GRID2IP: variants seen among roughly 807,000 people sequenced by gnomAD.
GRID2IP encodes the protein Grid2 interacting protein.
A neutral mutation model predicts 114.3 loss-of-function variants in GRID2IP; 78 were observed. The observed-to-expected ratio is 0.68, with a 90% CI of 0.57 to 0.82. The LOEUF is 0.82. Among genes scored for constraint, GRID2IP ranks in the 40% least tolerant of loss-of-function variants. The probability of loss-of-function intolerance (pLI) is 0.00; values close to 1 mark genes in which losing one functional copy is unlikely to be tolerated. For missense variants in GRID2IP, 1,727 were observed against 1,678.5 expected (o/e 1.03, Z -0.51); for synonymous variants, 809 against 724.0 (o/e 1.12, Z -1.89).
rs1312592096 is a variant in GRID2IP at position 6,508,082 on chromosome 7, C to T, written c.2447G>A (p.Arg816Gln). The change falls in exon 13 of 22, where the codon CGG becomes CAG. Residue 816 changes from arginine (R) to glutamine (Q), a missense_variant. By Grantham distance (43) the Arg-to-Gln change is conservative (BLOSUM62 1). Coordinates refer to ENST00000457091, the MANE Select transcript of GRID2IP (RefSeq NM_001145118.2). The surrounding 1 kb of genome is among the most constrained non-coding windows in gnomAD (Gnocchi z 5.6). Reference sequence around the variant, plus strand: ...CTCACTGCGCCGGTGGCCCAGGCCCCGGGACAGCATGGGGGGTGCACAGGG... The same window carrying T: ...CTCACTGCGCCGGTGGCCCAGGCCCTGGGACAGCATGGGGGGTGCACAGGG... ...PVPCAPPMLSRGLGHRRSETS... is the reference protein window; with the variant it reads ...PVPCAPPMLSQGLGHRRSETS... 5.8e-5 allele frequency: 73 copies of T among 1,264,112 alleles called. No individual in the cohort carries two copies. In the Admixed American group the frequency reaches 1.5e-3, roughly 27 times the overall value. 78.3% of individuals were successfully genotyped at this position (1,264,112 alleles called of 1,614,324 possible).
intron 18 of GRID2IP, 91 bp downstream of exon 18, chr7:6,502,695 C>T: frequency 3.6e-6 from 3 of 841,066 alleles, no homozygotes; most frequent in South Asian, 2.9e-5. Flanking sequence ...ACGATGTCCT[C>T]TTCTGCCCTC....
At chr7:6,550,806 T>A (rs1461006667) in intron 1 of GRID2IP, among the ~76,000 whole-genome samples, 1 of 151,632 alleles carries the variant, frequency 6.6e-6, no homozygotes. Context: ...CCAGCTTGGG[T>A]GACAGAGCGA....
intron 1 of GRID2IP, 41 bp from the exon 2 acceptor site, chr7:6,539,913 A>G (rs1213625277): frequency 9.2e-6 from 14 of 1,520,694 alleles, no homozygotes; most frequent in Non-Finnish European, 1.2e-5. Context: ...AGGGATCCAG[A>G]GTGGAACCCT....
rs561996854 is a variant in GRID2IP, at chr7:6,505,201, T to C, written c.2633-331A>G. Among the ~76,000 whole-genome samples, 3 of 152,266 alleles carry C rather than the reference T, an allele frequency of 2.0e-5. No individual in the cohort carries two copies. In the East Asian group the frequency reaches 5.8e-4, roughly 29 times the overall value. On this transcript the variant is annotated intron_variant, in intron 14 of 21. Coordinates refer to ENST00000457091, the MANE Select transcript of GRID2IP (RefSeq NM_001145118.2). ...AGAGCCTGGAAGATGTATTTGTGGA[T>C]GCCTCCTGTCTACGGTGTGACTGAG...
Position 6,509,195 on chromosome 7 carries a change from G to A in GRID2IP, c.1890C>T (p.Tyr630=), listed in dbSNP as rs549872168. Residue 630 remains tyrosine (Y), a synonymous_variant, in exon 12 of 22, where the codon TAC becomes TAT. Coordinates refer to ENST00000457091, the MANE Select transcript of GRID2IP (RefSeq NM_001145118.2). The surrounding 1 kb of genome is among the most constrained non-coding windows in gnomAD (Gnocchi z 4.9). ...ASPSSSESHP[Y]ASLDSSRAPS... ...GTGCCCTGCTGCTGTCCAGGCTGGC[G>A]TAGGGGTGGGACTCAGAGCTGCTGG... is the stretch of plus-strand genomic sequence containing the variant. 799 of 1,484,988 alleles carry A rather than the reference G, an allele frequency of 5.4e-4. 4 individuals are homozygous for A. In the African/African-American group the frequency reaches 9.3e-3, roughly 17 times the overall value. 92.0% of individuals were successfully genotyped at this position (1,484,988 alleles called of 1,614,324 possible). A position where few individuals can be genotyped will look rare whatever the true frequency, so the allele number is the denominator to read the frequency against.
At position 6,521,056 on chromosome 7, in the gene GRID2IP, C is replaced by T. The variant is rs189262896; in HGVS notation, c.1085-295G>A. ...CGTGATCTCGGCTCACTGCAACCTC[C>T]GCTTCCTGGGTTCAAGTGATTCTCT... On this transcript the variant is annotated intron_variant, in intron 6 of 21. Coordinates refer to ENST00000457091, the MANE Select transcript of GRID2IP (RefSeq NM_001145118.2). The surrounding 1 kb of genome is among the most constrained non-coding windows in gnomAD (Gnocchi z 4.1). Among the ~76,000 whole-genome samples, 286 of 152,292 alleles carry T rather than the reference C, an allele frequency of 1.9e-3. No homozygotes were observed. Among genetic ancestry groups the T allele is most frequent in the African/African-American group, 6.5e-3 (272 of 41,562 alleles).
rs1375237008 is a variant in GRID2IP, at chr7:6,526,687, G to A, written c.667C>T (p.Arg223Trp). 4.7e-6 allele frequency: 7 copies of A among 1,479,892 alleles called. No individual in the cohort carries two copies. Among genetic ancestry groups the A allele is most frequent in the Non-Finnish European group, 5.4e-6 (6 of 1,116,208 alleles). 91.7% of individuals were successfully genotyped at this position (1,479,892 alleles called of 1,614,324 possible). A position where few individuals can be genotyped will look rare whatever the true frequency, so the allele number is the denominator to read the frequency against. Residue 223 changes from arginine to tryptophan, a missense_variant, in exon 3 of 22, where the codon CGG becomes TGG. Transcript: ENST00000457091. The surrounding 1 kb of genome is among the most constrained non-coding windows in gnomAD (Gnocchi z 7.6). ...CGCAGTCGCTGCGCGCCCTGGGCCC[G>A]GCGTGCGCGGCACAGCTTGCCCAGG... ...GLLGKLCRAR[R>W]AQGAQRLRRS...
Position 6,507,477 on chromosome 7 carries a change from A to G in GRID2IP, c.2544+508T>C, listed in dbSNP as rs1489696616. ...GCCCGATTTTAAGGGCCAGAAAGAA[A>G]ACAGGGCATGGGAATCCTGGGGAGA... On this transcript the variant is annotated intron_variant, in intron 13 of 21. Transcript: ENST00000457091. This position sits in a 1 kb window ranked among gnomAD's most constrained non-coding sequence, Gnocchi z 5.3. Among the ~76,000 whole-genome samples the G allele has an allele frequency of 1.3e-5, 2 of 152,212 alleles. No individual in the cohort carries two copies. Among genetic ancestry groups the G allele is most frequent in the African/African-American group, 4.8e-5 (2 of 41,460 alleles).
At chr7:6,517,297 TCTGC>T (rs1779328177) in intron 7 of GRID2IP, among the ~76,000 whole-genome samples, 1 of 151,834 alleles carries the variant, frequency 6.6e-6, no homozygotes, top group African/African-American at 2.4e-5. Flanking sequence ...GACCTCGTGA[TCTGC>T]CCATCTCAGC....
At chr7:6,502,748 G>C in intron 18 of GRID2IP, 38 bp downstream of exon 18, 2 of 1,460,802 alleles carry the variant, frequency 1.4e-6, no homozygotes, top group East Asian at 2.5e-5. Flanking sequence ...CTTGCTGGTA[G>C]AGCAAACCAG....
chr7:6,547,497 A>C (rs1281900822), intron 1 of GRID2IP, among the ~76,000 whole-genome samples: 1 of 152,026 alleles, frequency 6.6e-6, no homozygotes, highest in Non-Finnish European at 1.5e-5. Context: ...GTAGTGAGCT[A>C]TGATTGTACC....
In GRID2IP at chr7:6,519,899, A is replaced by G; in HGVS notation, c.1268+679T>C. On this transcript the variant is annotated intron_variant, in intron 7 of 21. Coordinates refer to ENST00000457091, the MANE Select transcript of GRID2IP (RefSeq NM_001145118.2). The surrounding 1 kb of genome is among the most constrained non-coding windows in gnomAD (Gnocchi z 4.1). ...AGCTGGCTGCAGCTGAGGTCCAAAA[A>G]GAAAGACACCAACCCTACCCCGAAG... 6.6e-6 allele frequency among the ~76,000 whole-genome samples: 1 copy of G among 152,236 alleles called. No individual in the cohort carries two copies.
chr7:6,547,478 T>G (rs1583356381), intron 1 of GRID2IP, among the ~76,000 whole-genome samples: 5 of 148,762 alleles, frequency 3.4e-5, no homozygotes, highest in Admixed American at 1.4e-4. Flanking sequence ...AGCCCAGGAG[T>G]TGGAGGCTGT....
chr7:6,507,907 C>T lies in GRID2IP; in HGVS notation c.2544+78G>A, dbSNP rs1036696327. 6.6e-6 allele frequency: 10 copies of T among 1,517,726 alleles called. No individual in the cohort carries two copies. The highest frequency in any genetic ancestry group is 2.5e-5 in the East Asian group (1 of 40,520). The allele number at this position is 1,517,726 out of a possible 1,614,324, so 94.0% of individuals were successfully genotyped here. A position where few individuals can be genotyped will look rare whatever the true frequency, so the allele number is the denominator to read the frequency against. On this transcript the variant is annotated intron_variant, in intron 13 of 21. Transcript: ENST00000457091. The surrounding 1 kb of genome is among the most constrained non-coding windows in gnomAD (Gnocchi z 5.3). ...AGGATGATGTTGGAAGATGCCTGGC[C>T]GATGGGTTTTCCTTCAGTGCTGCTG...
intron 8 of GRID2IP, among the ~76,000 whole-genome samples, chr7:6,513,471 C>G (rs1157632706): frequency 6.6e-6 from 1 of 151,712 alleles, no homozygotes; most frequent in Non-Finnish European, 1.5e-5. Flanking sequence ...GCTTCCACCT[C>G]AGTCTCCTAA....
At chr7:6,524,438 G>T (rs1217521947) in intron 4 of GRID2IP, among the ~76,000 whole-genome samples, 1 of 152,176 alleles carries the variant, frequency 6.6e-6, no homozygotes, top group Non-Finnish European at 1.5e-5. Flanking sequence ...ATTCAATTCA[G>T]CTCTAGGAGA....
intron 20 of GRID2IP, among the ~76,000 whole-genome samples, chr7:6,498,851 C>T (rs996954767): frequency 6.6e-6 from 1 of 152,082 alleles, no homozygotes; most frequent in Admixed American, 6.6e-5. Context: ...TCCCAAAGTG[C>T]TGGGATTACA....
intron 2 of GRID2IP, among the ~76,000 whole-genome samples, chr7:6,531,939 G>A (rs965767140): frequency 2.6e-5 from 4 of 152,210 alleles, no homozygotes; most frequent in South Asian, 2.1e-4. Flanking sequence ...GTGAGGACAG[G>A]ACGCCCAGGC....
intron 15 of GRID2IP, 103 bp from the exon 16 acceptor site, chr7:6,503,790 G>C (rs1413189364): frequency 2.2e-5 from 18 of 819,052 alleles, no homozygotes. Flanking sequence ...GCGGACACGG[G>C]GCGGGGCCTA....
Sources: gnomAD v4.1 joint callset for allele counts (sites outside exome capture counted in the v4.1 genomes callset) on GRCh38, gnomAD v4.1.1 for gene constraint, Gnocchi (gnomAD v3.1) non-coding constraint, MANE v1.5 for transcripts, NCBI Gene and HGNC (gene_info 2026-07-23, HGNC 2026-07-21) for gene names.